The following FAM83B variants were observed in gnomAD, a reference collection of about 807,000 sequenced individuals.
FAM83B encodes the protein scaffolding CK1 anchoring protein B.
In FAM83B, 26 loss-of-function variants were observed where a neutral mutation model predicts 38.8. That is an observed-to-expected ratio of 0.67 (90% CI 0.49 to 0.93). FAM83B has a LOEUF of 0.93. Among genes scored for constraint, FAM83B ranks in the 40% least tolerant of loss-of-function variants. The pLI, the probability that FAM83B is intolerant of heterozygous loss-of-function variation, is 0.00. For synonymous variants in FAM83B, 419 were observed against 423.1 expected (o/e 0.99, Z 0.12); for missense variants, 1,237 against 1,197.3 (o/e 1.03, Z -0.49).
At chr6:54,851,839 G>A (rs186842139) in intron 1 of FAM83B, among the ~76,000 whole-genome samples, 6,850 of 151,482 alleles carry the variant, frequency 0.045, 210 homozygotes, top group Middle Eastern at 0.11. Flanking sequence ...AGTAGAGACG[G>A]GGTTTCACCG....
intron 2 of FAM83B, among the ~76,000 whole-genome samples, chr6:54,901,243 A>G (rs1331801294): frequency 1.3e-5 from 2 of 152,110 alleles, no homozygotes; most frequent in Non-Finnish European, 2.9e-5. Context: ...TACATCTACC[A>G]TGTGTTCTTA....
chr6:54,871,738 G>A (rs1391020628), intron 2 of FAM83B, among the ~76,000 whole-genome samples: 1 of 85,610 alleles, frequency 1.2e-5, no homozygotes. Context: ...GCGAGACCCT[G>A]TCTCACCAAA....
intron 1 of FAM83B, among the ~76,000 whole-genome samples, chr6:54,851,953 TTG>T (rs1287444819): frequency 6.9e-6 from 1 of 144,746 alleles, no homozygotes; most frequent in Non-Finnish European, 1.6e-5. Context: ...GGCCTAATTT[TTG>T]TGTTTTTAGT....
At chr6:54,888,020 T>G (rs1375135726) in intron 2 of FAM83B, among the ~76,000 whole-genome samples, 4 of 150,804 alleles carry the variant, frequency 2.7e-5, no homozygotes, top group African/African-American at 7.3e-5. Flanking sequence ...TTTTTTTGTT[T>G]TTTTTTTTTT....
intron 2 of FAM83B, among the ~76,000 whole-genome samples, chr6:54,900,147 A>G (rs1022285540): frequency 2.0e-5 from 3 of 152,216 alleles, no homozygotes; most frequent in African/African-American, 7.2e-5. Flanking sequence ...TCTGTAGCAC[A>G]TATAACCTTA....
chr6:54,894,264 C>T (rs1202575209), intron 2 of FAM83B, among the ~76,000 whole-genome samples: 1 of 152,048 alleles, frequency 6.6e-6, no homozygotes, highest in Admixed American at 6.6e-5. Flanking sequence ...TATCTGAATT[C>T]AGGAAGCAGT....
At chr6:54,846,529 A>T (rs528559079), upstream of FAM83B, among the ~76,000 whole-genome samples, 1 of 152,290 alleles carries the variant, frequency 6.6e-6, no homozygotes, top group East Asian at 1.9e-4. Flanking sequence ...CTCCGCTGGG[A>T]GAGAGCAGGG....
chr6:54,906,466 C>A (rs1380408849), intron 2 of FAM83B, among the ~76,000 whole-genome samples: 1 of 152,070 alleles, frequency 6.6e-6, no homozygotes, highest in Non-Finnish European at 1.5e-5. Context: ...CTCACTGCAA[C>A]CCCTGCCTCC....
At chr6:54,926,344 A>G (rs760583023) in intron 2 of FAM83B, 27 bp from the exon 3 acceptor site, 22 of 1,444,916 alleles carry the variant, frequency 1.5e-5, no homozygotes, top group Non-Finnish European at 2.1e-5. Context: ...AGGATCTAAA[A>G]TTGTTTCATA....
At chr6:54,913,629 T>A (rs1032927374) in intron 2 of FAM83B, among the ~76,000 whole-genome samples, 1 of 151,572 alleles carries the variant, frequency 6.6e-6, no homozygotes, top group Admixed American at 6.6e-5. Context: ...GAATGTTATA[T>A]ACGAGTTAAA....
At chr6:54,873,850 T>C (rs1426298313) in intron 2 of FAM83B, among the ~76,000 whole-genome samples, 1 of 151,978 alleles carries the variant, frequency 6.6e-6, no homozygotes, top group African/African-American at 2.4e-5. Flanking sequence ...CATTTTCACT[T>C]TTGTGTTTGC....
chr6:54,905,855 A>G (rs893032684), intron 2 of FAM83B, among the ~76,000 whole-genome samples: 1 of 151,814 alleles, frequency 6.6e-6, no homozygotes, highest in African/African-American at 2.4e-5. Context: ...TGAATTCTCC[A>G]TTTCTGTTTT....
At chr6:54,848,785 T>A (rs1159927782) in intron 1 of FAM83B, among the ~76,000 whole-genome samples, 1 of 152,164 alleles carries the variant, frequency 6.6e-6, no homozygotes, top group Non-Finnish European at 1.5e-5. Flanking sequence ...GAAACTGTTA[T>A]CCCATCAAAG....
Position 54,870,251 on chromosome 6 carries a change from A to G in FAM83B, c.5A>G (p.Glu2Gly). 6.2e-7 allele frequency: 1 copy of G among 1,610,248 alleles called. No homozygotes were observed. Among genetic ancestry groups the G allele is most frequent in the Non-Finnish European group, 8.5e-7 (1 of 1,176,724 alleles). ...CATAGCCAAACACTTGCAAGCATGG[A>G]GACCTCATCAATGCTTTCCTCATTG... Reference protein sequence around the residue: METSSMLSSLND... With the variant: MGTSSMLSSLND... The change falls in exon 2 of 5, where the codon GAG becomes GGG. Residue 2 changes from glutamate to glycine, a missense_variant. Transcript: ENST00000306858.
rs541835055 is a variant in FAM83B at position 54,936,730 on chromosome 6, CT to C, written c.735-2975del. On this transcript the variant is annotated intron_variant, in intron 4 of 4. Coordinates refer to ENST00000306858, the MANE Select transcript of FAM83B (RefSeq NM_001010872.3). ...AATTGTCTTCCCACATCTTTTGTGT[CT>C]GAACTGGGAATCTAGTCTTTATCAA... is the stretch of plus-strand genomic sequence containing the variant. Among the ~76,000 whole-genome samples, 373 of 151,510 alleles carry C rather than the reference CT, an allele frequency of 2.5e-3. 2 individuals carry two copies. The highest frequency in any genetic ancestry group is 8.6e-3 in the African/African-American group (357 of 41,288).
intron 2 of FAM83B, among the ~76,000 whole-genome samples, chr6:54,923,612 C>T (rs537129284): frequency 5.3e-5 from 8 of 152,228 alleles, no homozygotes; most frequent in Admixed American, 3.9e-4. Context: ...ATTTTCTACT[C>T]TCCTAGATGA....
intron 1 of FAM83B, among the ~76,000 whole-genome samples, chr6:54,861,739 C>T (rs955783120): frequency 2.0e-5 from 3 of 152,132 alleles, no homozygotes; most frequent in Admixed American, 6.5e-5. Flanking sequence ...CTTGTTCTCA[C>T]TGTCCGATAA....
At chr6:54,905,796 C>A (rs1307693370) in intron 2 of FAM83B, among the ~76,000 whole-genome samples, 7 of 138,254 alleles carry the variant, frequency 5.1e-5, no homozygotes, top group African/African-American at 1.7e-4. Flanking sequence ...GGATCATAAT[C>A]TTTTATGATC....
intron 4 of FAM83B, among the ~76,000 whole-genome samples, chr6:54,934,862 T>C (rs1021733362): frequency 1.3e-5 from 2 of 152,142 alleles, no homozygotes; most frequent in African/African-American, 4.8e-5. Context: ...TGATCCGATG[T>C]TGAATTCATA....
Sources: allele counts gnomAD v4.1 joint callset (sites outside exome capture counted in the v4.1 genomes callset), GRCh38; gene constraint gnomAD v4.1.1; transcripts MANE v1.5; gene names NCBI Gene and HGNC (gene_info 2026-07-23, HGNC 2026-07-21).